DNAH14: variants seen among roughly 807,000 people sequenced by gnomAD.
DNAH14 encodes dynein axonemal heavy chain 14, also known as axonemal beta dynein heavy chain 14.
In DNAH14, 478 loss-of-function variants were observed where a neutral mutation model predicts 520.9. That is an observed-to-expected ratio of 0.92 (90% CI 0.85 to 0.99). The LOEUF is 0.99. DNAH14 is among the 50% of genes least tolerant of loss of function. The pLI is 0.00. For missense variants in DNAH14, 4,831 were observed against 5,234.5 expected, an observed-to-expected ratio of 0.92 and a Z score of 2.38; for synonymous variants, 1,581 against 1,757.2, an observed-to-expected ratio of 0.90 and a Z score of 2.51.
intron 36 of DNAH14, among the ~76,000 whole-genome samples, chr1:225,176,482 T>C (rs1023198981): frequency 6.6e-6 from 1 of 152,192 alleles, no homozygotes; most frequent in Admixed American, 6.5e-5. Context: ...AGTTTAACTC[T>C]TATGTTTCTT....
chr1:225,310,557 T>C (rs1244263553), intron 60 of DNAH14, among the ~76,000 whole-genome samples: 1 of 152,170 alleles, frequency 6.6e-6, no homozygotes, highest in East Asian at 1.9e-4. Context: ...CATTAACCCG[T>C]CATCCACATT....
intron 41 of DNAH14, among the ~76,000 whole-genome samples, chr1:225,213,086 T>C (rs2088697315): frequency 1.3e-5 from 2 of 152,222 alleles, no homozygotes; most frequent in South Asian, 2.1e-4. Context: ...AATTTATGTA[T>C]AAGATGTAAG....
chr1:225,307,817 G>T (rs751908630), intron 59 of DNAH14, among the ~76,000 whole-genome samples: 5 of 152,202 alleles, frequency 3.3e-5, no homozygotes, highest in Non-Finnish European at 7.3e-5. Context: ...GTAATAGTAG[G>T]TATATAGCTA....
At chr1:225,334,424 A>C (rs1157767175) in intron 66 of DNAH14, among the ~76,000 whole-genome samples, 1 of 152,138 alleles carries the variant, frequency 6.6e-6, no homozygotes, top group Non-Finnish European at 1.5e-5. Flanking sequence ...TGAGCCCAAG[A>C]GATCAAGGCT....
chr1:225,184,698 C>T (rs547455475), intron 36 of DNAH14, among the ~76,000 whole-genome samples: 45 of 151,680 alleles, frequency 3.0e-4, no homozygotes, highest in African/African-American at 1.0e-3. Context: ...TCCAACATCC[C>T]TTTTTGATAA....
chr1:225,107,062 A>G (rs1306014239), intron 23 of DNAH14, among the ~76,000 whole-genome samples: 4 of 152,080 alleles, frequency 2.6e-5, no homozygotes, highest in Non-Finnish European at 5.9e-5. Context: ...TTTGGTGTGG[A>G]TGTCCTTTCT....
intron 41 of DNAH14, among the ~76,000 whole-genome samples, chr1:225,209,794 G>A (rs1005548219): frequency 6.6e-6 from 1 of 152,146 alleles, no homozygotes; most frequent in Non-Finnish European, 1.5e-5. Flanking sequence ...TTCCAACTGA[G>A]GTACCCAGCT....
chr1:225,319,490 CATATT>C (rs1420599255), intron 61 of DNAH14, among the ~76,000 whole-genome samples: 7 of 152,066 alleles, frequency 4.6e-5, no homozygotes, highest in Non-Finnish European at 8.8e-5. Flanking sequence ...ATATTTATAA[CATATT>C]ATTAGCTTTT....
At chr1:225,157,870 A>G (rs1174507490) in intron 34 of DNAH14, among the ~76,000 whole-genome samples, 1 of 152,206 alleles carries the variant, frequency 6.6e-6, no homozygotes, top group Non-Finnish European at 1.5e-5. Flanking sequence ...GTAAATGACT[A>G]AAGTCAATTC....
chr1:225,044,222 T>C (rs916994998), intron 15 of DNAH14, among the ~76,000 whole-genome samples: 3 of 152,136 alleles, frequency 2.0e-5, no homozygotes, highest in Non-Finnish European at 4.4e-5. Context: ...AAGGTTTGGA[T>C]TTTTTCAGTT....
chr1:225,265,315 T>C lies in DNAH14; in HGVS notation c.7356T>C (p.Leu2452=). Residue 2452 remains leucine, a synonymous_variant, in exon 48 of 86, where the codon CTT becomes CTC. Transcript: ENST00000682510. The part of the protein sequence containing the change: ...VTAAKTKEMI[L]KKLIRRTKDT... ...CTGCCAAAACCAAGGAGATGATTCT[T>C]AAGAAGTTAATAAGAAGAACTAAAG... 6.5e-7 allele frequency: 1 copy of C among 1,543,792 alleles called. No individual in the cohort carries two copies. Among genetic ancestry groups the C allele is most frequent in the Non-Finnish European group, 8.7e-7 (1 of 1,144,922 alleles).
chr1:225,031,972 T>C (rs893909339), intron 11 of DNAH14, among the ~76,000 whole-genome samples: 1 of 152,090 alleles, frequency 6.6e-6, no homozygotes, highest in African/African-American at 2.4e-5. Flanking sequence ...CGGTTTTTAA[T>C]TGTTGAAAAG....
At chr1:225,198,034 C>A (rs565012415) in intron 38 of DNAH14, among the ~76,000 whole-genome samples, 1 of 152,182 alleles carries the variant, frequency 6.6e-6, no homozygotes, top group South Asian at 2.1e-4. Context: ...TTATTTCTTT[C>A]TCTTGTCTGA....
chr1:225,194,406 A>G (rs779666150), intron 38 of DNAH14, among the ~76,000 whole-genome samples: 5 of 152,146 alleles, frequency 3.3e-5, no homozygotes, highest in Non-Finnish European at 5.9e-5. Flanking sequence ...AAAAGTTGCC[A>G]AAGTTTGAAA....
chr1:225,289,171 C>A (rs2149985532), intron 54 of DNAH14, among the ~76,000 whole-genome samples: 1 of 152,074 alleles, frequency 6.6e-6, no homozygotes, highest in East Asian at 1.9e-4. Flanking sequence ...ACTTATTATG[C>A]TAAGTAAAAT....
chr1:225,023,756 G>A lies in DNAH14; in HGVS notation c.1249G>A (p.Glu417Lys), dbSNP rs757178691. ...FVMLVDYIFQ[E>K]LIRQLMNTAV... is the part of the protein sequence containing the mutation. Reference sequence around the variant, plus strand: ...AATGCTGGTTGACTACATATTTCAGGAACTCATTCGTCAACTTATGAACAC... The same window carrying A: ...AATGCTGGTTGACTACATATTTCAGAAACTCATTCGTCAACTTATGAACAC... The change falls in exon 11 of 86, where the codon GAA (glutamate) becomes AAA (lysine). Residue 417 changes from glutamate to lysine, a missense_variant. By Grantham distance (56) the Glu-to-Lys change is moderately conservative. Coordinates refer to ENST00000682510, the MANE Select transcript of DNAH14 (RefSeq NM_001367479.1). The A allele has an allele frequency of 5.2e-6, 8 of 1,550,612 alleles. No homozygotes were observed. In the South Asian group the frequency reaches 8.3e-5, roughly 16 times the overall value.
intron 66 of DNAH14, among the ~76,000 whole-genome samples, chr1:225,336,921 T>C (rs1349525920): frequency 1.3e-5 from 2 of 152,222 alleles, no homozygotes; most frequent in Admixed American, 6.6e-5. Context: ...ATATTTTGTA[T>C]ATTTGTATAT....
chr1:225,142,981 C>G (rs1330330727), intron 28 of DNAH14, among the ~76,000 whole-genome samples: 4 of 151,234 alleles, frequency 2.6e-5, no homozygotes, highest in Non-Finnish European at 4.4e-5. Context: ...ATTTTTTTTT[C>G]TTTCAATTCA....
chr1:224,955,570 G>C (rs1426698443), intron 3 of DNAH14, among the ~76,000 whole-genome samples: 2 of 151,928 alleles, frequency 1.3e-5, no homozygotes, highest in African/African-American at 4.8e-5. Context: ...TTCAGGATTT[G>C]ATTTTATTTT....
Sources: gnomAD v4.1 joint callset for allele counts (sites outside exome capture counted in the v4.1 genomes callset) on GRCh38, gnomAD v4.1.1 for gene constraint, MANE v1.5 for transcripts, NCBI Gene and HGNC (gene_info 2026-07-23, HGNC 2026-07-21) for gene names.